ANKRD6: variants seen among roughly 807,000 people sequenced by gnomAD.
ANKRD6 encodes the protein ankyrin repeat domain 6.
ANKRD6 carries 56 observed loss-of-function variants against 82.3 expected under a neutral mutation model. The ratio of observed to expected loss-of-function variants is 0.68; its 90% CI spans 0.55 to 0.85. The LOEUF (loss-of-function observed/expected upper bound fraction) is 0.85. Among genes scored for constraint, ANKRD6 ranks in the 40% least tolerant of loss-of-function variants. The pLI, the probability that ANKRD6 is intolerant of heterozygous loss-of-function variation, is 0.00. For missense variants in ANKRD6, 852 were observed against 907.6 expected (o/e 0.94, Z 0.79); for synonymous variants, 347 against 352.1 (o/e 0.99, Z 0.16).
At chr6:89,616,480 A>T in intron 7 of ANKRD6, 79 bp from the exon 8 acceptor site, 2 of 1,377,198 alleles carry the variant, frequency 1.5e-6, no homozygotes, top group Non-Finnish European at 1.0e-6. Flanking sequence ...GAAGAGCCAC[A>T]CCTAGGCCAG....
chr6:89,449,640 A>G (rs959638500), intron 1 of ANKRD6, among the ~76,000 whole-genome samples: 9 of 152,172 alleles, frequency 5.9e-5, no homozygotes, highest in African/African-American at 1.7e-4. Context: ...CAGTAACGGC[A>G]TTTTCACCAA....
intron 1 of ANKRD6, among the ~76,000 whole-genome samples, chr6:89,518,224 G>T (rs914554937): frequency 6.6e-6 from 1 of 151,876 alleles, no homozygotes; most frequent in African/African-American, 2.4e-5. Flanking sequence ...CCAACATGGA[G>T]AAACCCCGCC....
rs542034488 is a variant in ANKRD6, at chr6:89,567,251, G to A, written c.120+155G>A. Among the ~76,000 whole-genome samples, 5 of 152,186 alleles carry A rather than the reference G, an allele frequency of 3.3e-5. No individual in the cohort carries two copies. In the South Asian group the frequency reaches 1.0e-3, roughly 32 times the overall value. ...GGGGAGAAGGAGGATTATTAAGAAT[G>A]CTTTTGTTGCCATCTTTCAAGTGGA... On this transcript the variant is annotated intron_variant, in intron 2 of 15. Transcript: ENST00000339746.
intron 2 of ANKRD6, among the ~76,000 whole-genome samples, chr6:89,573,999 T>G (rs1434840786): frequency 6.6e-6 from 1 of 152,182 alleles, no homozygotes; most frequent in Non-Finnish European, 1.5e-5. Context: ...TACTGCTCTG[T>G]GGGTGCTCAG....
intron 1 of ANKRD6, among the ~76,000 whole-genome samples, chr6:89,470,951 T>C (rs1352585799): frequency 6.6e-6 from 1 of 152,164 alleles, no homozygotes; most frequent in African/African-American, 2.4e-5. Flanking sequence ...TCTTTACTAG[T>C]TTTATGGCTT....
At chr6:89,607,023 T>C (rs1012303538) in intron 5 of ANKRD6, among the ~76,000 whole-genome samples, 6 of 151,866 alleles carry the variant, frequency 4.0e-5, no homozygotes, top group African/African-American at 7.3e-5. Flanking sequence ...TACAAAAAAT[T>C]AGCTGGATGT....
chr6:89,451,329 T>C (rs1772790075), intron 1 of ANKRD6, among the ~76,000 whole-genome samples: 1 of 152,032 alleles, frequency 6.6e-6, no homozygotes, highest in Admixed American at 6.6e-5. Flanking sequence ...TGAAATAAAA[T>C]TCAAAGTACA....
At chr6:89,534,949 T>C (rs1783638981) in intron 1 of ANKRD6, among the ~76,000 whole-genome samples, 1 of 152,092 alleles carries the variant, frequency 6.6e-6, no homozygotes, top group Non-Finnish European at 1.5e-5. Context: ...CCCACCTGAA[T>C]TTGCAAGGCA....
rs1423687151 is a variant in ANKRD6 at position 89,488,900 on chromosome 6, A to ATTCTC, written c.-144+55529_-144+55530insCTTCT. Reference sequence around the variant, plus strand: ...ATTCTATTCTATTCTATTCTATTCTATTCTATTCTATTCTATTCTATTCTA... The same window carrying ATTCTC: ...ATTCTATTCTATTCTATTCTATTCTATTCTCTTCTATTCTATTCTATTCTATTCTA... On this transcript the variant is annotated intron_variant, in intron 1 of 15. Transcript: ENST00000339746. Among the ~76,000 whole-genome samples, 44 of 151,796 alleles carry ATTCTC rather than the reference A, an allele frequency of 2.9e-4. 1 individual carries two copies. The East Asian group carries it at 7.6e-3, about 26-fold the overall frequency.
At chr6:89,555,009 G>A (rs986043025) in intron 1 of ANKRD6, among the ~76,000 whole-genome samples, 13 of 146,052 alleles carry the variant, frequency 8.9e-5, no homozygotes, top group Admixed American at 5.5e-4. Flanking sequence ...CTCCCTCTCC[G>A]CCTCTCTCTA....
At chr6:89,592,430 G>A (rs1188836775) in intron 2 of ANKRD6, among the ~76,000 whole-genome samples, 2 of 152,106 alleles carry the variant, frequency 1.3e-5, no homozygotes, top group Non-Finnish European at 2.9e-5. Context: ...TTAGTTTGGG[G>A]GATTAAGCAC....
chr6:89,518,314 A>G (rs755646001), intron 1 of ANKRD6, among the ~76,000 whole-genome samples: 4 of 152,164 alleles, frequency 2.6e-5, no homozygotes, highest in Middle Eastern at 3.4e-3. Context: ...AGGCAGGAGA[A>G]TGGCTTGAGC....
At chr6:89,587,260 G>A (rs1317276235) in intron 2 of ANKRD6, among the ~76,000 whole-genome samples, 1 of 151,730 alleles carries the variant, frequency 6.6e-6, no homozygotes, top group Non-Finnish European at 1.5e-5. Context: ...GGAGGCCGAG[G>A]CAGGCAGATC....
chr6:89,452,211 A>G lies in ANKRD6; in HGVS notation c.-144+18836A>G, dbSNP rs566331500. On this transcript the variant is annotated intron_variant, in intron 1 of 15. Transcript: ENST00000339746. ...AAACAGAAGACTTTTAGTATATGCT[A>G]TGAATTTACTAGCTAAGTAAATCGG... Among the ~76,000 whole-genome samples the G allele has an allele frequency of 6.6e-5, 10 of 152,344 alleles. No individual in the cohort carries two copies. In the South Asian group the frequency reaches 8.3e-4, roughly 13 times the overall value.
intron 1 of ANKRD6, among the ~76,000 whole-genome samples, chr6:89,525,177 C>T (rs1023002153): frequency 6.6e-6 from 1 of 151,636 alleles, no homozygotes; most frequent in Non-Finnish European, 1.5e-5. Flanking sequence ...ACCTCTAGTC[C>T]GAGCTACTAG....
At chr6:89,609,459 G>A (rs1202571343) in intron 5 of ANKRD6, among the ~76,000 whole-genome samples, 3 of 151,788 alleles carry the variant, frequency 2.0e-5, no homozygotes, top group African/African-American at 4.8e-5. Context: ...CTGCCATCAC[G>A]CTCAGCTAAT....
chr6:89,462,869 T>G (rs901862061), intron 1 of ANKRD6, among the ~76,000 whole-genome samples: 4 of 151,266 alleles, frequency 2.6e-5, no homozygotes, highest in African/African-American at 4.8e-5. Context: ...TTTTTAGTTT[T>G]TTTTTTTTTT....
At chr6:89,619,324 G>C (rs559930083) in intron 9 of ANKRD6, among the ~76,000 whole-genome samples, 1 of 152,200 alleles carries the variant, frequency 6.6e-6, no homozygotes, top group East Asian at 1.9e-4. Context: ...CTGTATAAAC[G>C]TCAGAACCCA....
intron 1 of ANKRD6, among the ~76,000 whole-genome samples, chr6:89,527,027 C>T: frequency 6.6e-6 from 1 of 152,210 alleles, no homozygotes; most frequent in Non-Finnish European, 1.5e-5. Context: ...AACATCCTTG[C>T]ACACATACCC....
Sources: allele counts gnomAD v4.1 joint callset (sites outside exome capture counted in the v4.1 genomes callset), GRCh38; gene constraint gnomAD v4.1.1; transcripts MANE v1.5; gene names NCBI Gene and HGNC (gene_info 2026-07-23, HGNC 2026-07-21).